The following PTPN4 variants were observed in gnomAD, a reference collection of about 807,000 sequenced individuals.
PTPN4 encodes tyrosine-protein phosphatase non-receptor type 4.
PTPN4 carries 49 observed loss-of-function variants against 135.5 expected under a neutral mutation model. The ratio of observed to expected loss-of-function variants is 0.36; its 90% CI spans 0.29 to 0.46. The LOEUF is 0.46. PTPN4 is among the 20% of genes least tolerant of loss of function. The pLI, the probability that PTPN4 is intolerant of heterozygous loss-of-function variation, is 1.00. For synonymous variants in PTPN4, 333 were observed against 369.9 expected (o/e 0.90, Z 1.14); for missense variants, 860 against 1,101.0 (o/e 0.78, Z 3.10).
chr2:119,964,243 G>A (rs1401146726), intron 24 of PTPN4, among the ~76,000 whole-genome samples: 2 of 152,192 alleles, frequency 1.3e-5, no homozygotes, highest in Admixed American at 6.5e-5. Context: ...GCATAAGACT[G>A]ATCCTTTAAA....
At chr2:119,781,480 A>G (rs1452024946) in intron 1 of PTPN4, among the ~76,000 whole-genome samples, 2 of 152,162 alleles carry the variant, frequency 1.3e-5, no homozygotes, top group Non-Finnish European at 2.9e-5. Flanking sequence ...TAGACACAAA[A>G]TAGTTTCAGA....
At chr2:119,878,303 G>A (rs1678015598) in intron 5 of PTPN4, among the ~76,000 whole-genome samples, 1 of 152,142 alleles carries the variant, frequency 6.6e-6, no homozygotes, top group Non-Finnish European at 1.5e-5. Flanking sequence ...ACAACCTTGT[G>A]TGTTGCCTGA....
chr2:119,960,225 A>T (rs1029999266), intron 22 of PTPN4, among the ~76,000 whole-genome samples: 1 of 152,182 alleles, frequency 6.6e-6, no homozygotes, highest in Non-Finnish European at 1.5e-5. Context: ...TTTAAAAAAA[A>T]TTTAATCTCA....
intron 12 of PTPN4, among the ~76,000 whole-genome samples, chr2:119,924,066 G>T (rs912146075): frequency 2.0e-5 from 3 of 150,126 alleles, no homozygotes; most frequent in African/African-American, 7.4e-5. Flanking sequence ...GAACCCAGGA[G>T]GCAGAGCTTG....
intron 12 of PTPN4, among the ~76,000 whole-genome samples, chr2:119,926,080 T>C (rs1220581795): frequency 2.6e-5 from 4 of 152,212 alleles, no homozygotes; most frequent in Non-Finnish European, 5.9e-5. Flanking sequence ...GCTGTTTTTA[T>C]ATGCATTAGA....
chr2:119,862,903 C>A (rs868410022), intron 3 of PTPN4, among the ~76,000 whole-genome samples: 1 of 151,976 alleles, frequency 6.6e-6, no homozygotes, highest in Non-Finnish European at 1.5e-5. Flanking sequence ...AAAAGTAAAT[C>A]CAATTTATGC....
intron 9 of PTPN4, among the ~76,000 whole-genome samples, chr2:119,887,065 GC>G (rs1262600560): frequency 3.3e-5 from 5 of 151,196 alleles, no homozygotes; most frequent in African/African-American, 1.2e-4. Context: ...CTTATTTAGG[GC>G]CTATATCTTT....
At chr2:119,913,099 G>T (rs1324053384) in intron 10 of PTPN4, among the ~76,000 whole-genome samples, 2 of 151,882 alleles carry the variant, frequency 1.3e-5, no homozygotes, top group East Asian at 3.9e-4. Flanking sequence ...CCATTTTATG[G>T]TTATACCACA....
chr2:119,890,245 T>C (rs187393491), intron 9 of PTPN4, among the ~76,000 whole-genome samples: 1 of 150,846 alleles, frequency 6.6e-6, no homozygotes, highest in African/African-American at 2.5e-5. Context: ...GTTGATCTCT[T>C]TGTCATTATA....
chr2:119,880,905 T>C (rs986033140), intron 5 of PTPN4, among the ~76,000 whole-genome samples: 2 of 152,190 alleles, frequency 1.3e-5, no homozygotes, highest in African/African-American at 4.8e-5. Flanking sequence ...CATGGAGCTC[T>C]TCAGTGACTT....
At chr2:119,839,685 G>A (rs752266850) in intron 2 of PTPN4, among the ~76,000 whole-genome samples, 1 of 152,178 alleles carries the variant, frequency 6.6e-6, no homozygotes, top group African/African-American at 2.4e-5. Context: ...ATTATGAATA[G>A]TATTTGAAGA....
intron 11 of PTPN4, chr2:119,916,654 G>A (rs58160523): frequency 6.6e-6 from 1 of 152,286 alleles, no homozygotes; most frequent in African/African-American, 2.4e-5. Context: ...TGCTGCTGGA[G>A]CTGATGCCCA....
At chr2:119,790,679 C>T (rs1343734983) in intron 1 of PTPN4, among the ~76,000 whole-genome samples, 1 of 152,208 alleles carries the variant, frequency 6.6e-6, no homozygotes, top group East Asian at 1.9e-4. Context: ...AGTCCATTTA[C>T]ACTTAATGAA....
At chr2:119,778,570 T>C (rs893178854) in intron 1 of PTPN4, among the ~76,000 whole-genome samples, 3 of 151,942 alleles carry the variant, frequency 2.0e-5, no homozygotes, top group Non-Finnish European at 4.4e-5. Flanking sequence ...GGGTCGGGAG[T>C]GTGTTTCTTT....
chr2:119,778,302 C>G (rs772046814), intron 1 of PTPN4, among the ~76,000 whole-genome samples: 1 of 152,252 alleles, frequency 6.6e-6, no homozygotes, highest in South Asian at 2.1e-4. Flanking sequence ...AGGTAATGAA[C>G]TGTAGATAGG....
chr2:119,906,582 A>G (rs776131061), intron 10 of PTPN4, among the ~76,000 whole-genome samples: 39 of 152,238 alleles, frequency 2.6e-4, no homozygotes, highest in Non-Finnish European at 5.4e-4. Flanking sequence ...TCATCTCAGT[A>G]GACACATAAA....
chr2:119,815,898 T>C (rs1231369533), intron 2 of PTPN4, among the ~76,000 whole-genome samples: 1 of 152,222 alleles, frequency 6.6e-6, no homozygotes, highest in Non-Finnish European at 1.5e-5. Flanking sequence ...ATCTTCATTA[T>C]ATAACTCAAT....
chr2:119,759,948 C>T lies in PTPN4; in HGVS notation c.-454C>T, dbSNP rs1403008047. On this transcript the variant is annotated 5_prime_UTR_variant, in exon 1 of 27. Coordinates refer to ENST00000263708, the MANE Select transcript of PTPN4 (RefSeq NM_002830.4). Reference sequence around the variant, plus strand: ...GGATTACCCGCCAGCTCACGCCGCGCAGTGCGCTTTTCCGCTCCTCGCGCC... The same window carrying T: ...GGATTACCCGCCAGCTCACGCCGCGTAGTGCGCTTTTCCGCTCCTCGCGCC... The T allele has an allele frequency of 5.4e-6, 2 of 367,890 alleles. No homozygotes were observed. The highest frequency in any genetic ancestry group is 9.7e-6 in the Non-Finnish European group (2 of 206,936). 22.8% of individuals were successfully genotyped at this position (367,890 alleles called of 1,614,324 possible). A position where few individuals can be genotyped will look rare whatever the true frequency, so the allele number is the denominator to read the frequency against.
intron 2 of PTPN4, among the ~76,000 whole-genome samples, chr2:119,849,423 C>G (rs1430900055): frequency 6.6e-6 from 1 of 152,142 alleles, no homozygotes; most frequent in African/African-American, 2.4e-5. Flanking sequence ...CCCTCAGCCT[C>G]CTGAGTAGCT....
Sources: gnomAD v4.1 joint callset for allele counts (sites outside exome capture counted in the v4.1 genomes callset) on GRCh38, gnomAD v4.1.1 for gene constraint, MANE v1.5 for transcripts, NCBI Gene and HGNC (gene_info 2026-07-23, HGNC 2026-07-21) for gene names.